Variants in TNN observed in about 807,000 individuals in gnomAD.
TNN encodes the protein tenascin N.
TNN carries 122 observed loss-of-function variants against 134.4 expected under a neutral mutation model. The ratio of observed to expected loss-of-function variants is 0.91; its 90% CI spans 0.78 to 1.06. TNN has a LOEUF of 1.06. Among genes scored for constraint, TNN ranks in the 50% least tolerant of loss-of-function variants. The probability of loss-of-function intolerance (pLI) is 0.00; values close to 1 mark genes in which losing one functional copy is unlikely to be tolerated. For missense variants in TNN, 1,739 were observed against 1,699.4 expected, an observed-to-expected ratio of 1.02 and a Z score of -0.41; for synonymous variants, 710 against 670.3, an observed-to-expected ratio of 1.06 and a Z score of -0.91.
intron 11 of TNN, 70 bp from the exon 12 acceptor site, chr1:175,123,329 GT>G: frequency 6.6e-7 from 1 of 1,523,746 alleles, no homozygotes; most frequent in Non-Finnish European, 9.0e-7. Context: ...AGAGCTCCTG[GT>G]GATGAGGTGG....
chr1:175,090,966 T>C (rs1674431227), intron 6 of TNN, among the ~76,000 whole-genome samples: 1 of 152,204 alleles, frequency 6.6e-6, no homozygotes, highest in South Asian at 2.1e-4. Context: ...TGTCTTGTAG[T>C]AGAGGCTACA....
chr1:175,142,908 G>T (rs1675973183), intron 17 of TNN, among the ~76,000 whole-genome samples: 1 of 152,204 alleles, frequency 6.6e-6, no homozygotes, highest in South Asian at 2.1e-4. Flanking sequence ...GAGCCACCGT[G>T]CCTGGCCCAT....
intron 9 of TNN, among the ~76,000 whole-genome samples, chr1:175,111,112 G>T (rs1347553363): frequency 2.0e-5 from 3 of 152,144 alleles, no homozygotes; most frequent in Non-Finnish European, 2.9e-5. Flanking sequence ...GAGGACAGAA[G>T]TTCGAGACCA....
chr1:175,074,880 T>C (rs1023949062), intron 1 of TNN, among the ~76,000 whole-genome samples: 1 of 152,260 alleles, frequency 6.6e-6, no homozygotes, highest in African/African-American at 2.4e-5. Context: ...AGAGCAAGCA[T>C]AGGCTTGCAA....
chr1:175,089,730 A>C lies in TNN; in HGVS notation c.1324+4236A>C, dbSNP rs1316861137. Among the ~76,000 whole-genome samples the C allele has an allele frequency of 2.0e-5, 3 of 152,218 alleles. No homozygotes were observed. The East Asian group carries it at 5.8e-4, about 29-fold the overall frequency. On this transcript the variant is annotated intron_variant, in intron 6 of 18. Transcript: ENST00000239462. ...ATGCTTGCTTTGTTATAATTTCACA[A>C]GCTCCCATGCACAGCAAAGGTTATA... is the stretch of plus-strand genomic sequence containing the variant.
rs556728509 is a variant in TNN, at chr1:175,113,921, T to C, written c.2120-3018T>C. 6.0e-4 allele frequency among the ~76,000 whole-genome samples: 91 copies of C among 152,326 alleles called. 2 individuals carry two copies. In the South Asian group the frequency reaches 0.019, roughly 31 times the overall value. On this transcript the variant is annotated intron_variant, in intron 9 of 18. Coordinates refer to ENST00000239462, the MANE Select transcript of TNN (RefSeq NM_022093.2). ...GTGTTTCTTTTTTGTGATATCTATC[T>C]CTTCACTGAATTTCTCATTCATATC...
chr1:175,111,455 C>G (rs1188591162), intron 9 of TNN, among the ~76,000 whole-genome samples: 2 of 129,746 alleles, frequency 1.5e-5, no homozygotes, highest in African/African-American at 5.8e-5. Flanking sequence ...CCACTGCACT[C>G]CAGCCTGGGA....
chr1:175,135,703 A>G, intron 15 of TNN, 142 bp from the exon 16 acceptor site: 1 of 652,250 alleles, frequency 1.5e-6, no homozygotes, highest in Non-Finnish European at 2.8e-6. Flanking sequence ...ATCTACTGAC[A>G]TATAAATAAA....
chr1:175,141,135 C>A (rs1675936384), intron 17 of TNN, among the ~76,000 whole-genome samples: 1 of 152,188 alleles, frequency 6.6e-6, no homozygotes, highest in Admixed American at 6.5e-5. Flanking sequence ...TCCATTTTCC[C>A]TTCATGAAGC....
rs530478855 is a variant in TNN at position 175,097,270 on chromosome 1, C to T, written c.1589-147C>T. Reference sequence around the variant, plus strand: ...TATTACTGGAATTTCAGACCATTTGCTTAATTAGACCTTTACATTAACTCA... The same window carrying T: ...TATTACTGGAATTTCAGACCATTTGTTTAATTAGACCTTTACATTAACTCA... On this transcript the variant is annotated intron_variant, in intron 7 of 18. Coordinates refer to ENST00000239462, the MANE Select transcript of TNN (RefSeq NM_022093.2). 22 of 1,026,990 alleles carry T rather than the reference C, an allele frequency of 2.1e-5. No homozygotes were observed. In the East Asian group the frequency reaches 4.4e-4, roughly 20 times the overall value. 63.6% of individuals were successfully genotyped at this position (1,026,990 alleles called of 1,614,324 possible).
In TNN at chr1:175,116,966, C is replaced by T. The variant is rs780904507; in HGVS notation, c.2147C>T (p.Thr716Ile). The T allele has an allele frequency of 8.7e-6, 14 of 1,614,174 alleles. No homozygotes were observed. Among genetic ancestry groups the T allele is most frequent in the Non-Finnish European group, 9.3e-6 (11 of 1,180,034 alleles). Reference protein sequence around the residue: ...TDIDSPQNLVTDRVTENMATV... With the variant: ...TDIDSPQNLVIDRVTENMATV... ...ATTGACAGCCCCCAAAACCTGGTGA[C>T]CGACCGGGTGACAGAGAATATGGCC... The change falls in exon 10 of 19, where the codon ACC (threonine) becomes ATC (isoleucine). Residue 716 changes from threonine (T) to isoleucine (I), a missense_variant. Thr to Ile is a moderately conservative substitution (Grantham distance 89). Transcript: ENST00000239462.
intron 17 of TNN, among the ~76,000 whole-genome samples, chr1:175,143,404 A>G (rs995837236): frequency 6.6e-6 from 1 of 152,224 alleles, no homozygotes; most frequent in Non-Finnish European, 1.5e-5. Context: ...ATAGGGAAAC[A>G]GGAGATACAT....
chr1:175,102,897 T>A (rs1674762937), intron 9 of TNN, among the ~76,000 whole-genome samples: 1 of 146,062 alleles, frequency 6.8e-6, no homozygotes, highest in Non-Finnish European at 1.5e-5. Flanking sequence ...CCCCAACTGC[T>A]GTTGGCAATT....
intron 9 of TNN, among the ~76,000 whole-genome samples, chr1:175,111,469 A>T (rs958870863): frequency 2.6e-4 from 38 of 144,878 alleles, no homozygotes; most frequent in Non-Finnish European, 5.0e-4. Context: ...CCTGGGAAAC[A>T]GAGCGAGACT....
chr1:175,125,587 CTCTTTCTTTCTCTT>C (rs749377152), intron 12 of TNN, among the ~76,000 whole-genome samples: 36 of 150,720 alleles, frequency 2.4e-4, no homozygotes, highest in Non-Finnish European at 4.0e-4. Context: ...CTCTCTCTCC[CTCTTTCTTTCTCTT>C]TCTTTCTTTC....
intron 10 of TNN, among the ~76,000 whole-genome samples, chr1:175,117,829 T>G (rs7546260): frequency 0.23 from 35,318 of 152,098 alleles, 4,415 homozygotes; most frequent in African/African-American, 0.31. Flanking sequence ...TTCCTCTTGT[T>G]GAATAGCAGA....
intron 1 of TNN, among the ~76,000 whole-genome samples, chr1:175,070,117 T>C (rs1213211598): frequency 1.3e-5 from 2 of 152,172 alleles, no homozygotes; most frequent in African/African-American, 4.8e-5. Context: ...ATGAGCTTGG[T>C]CCCACAAAAG....
intron 11 of TNN, 64 bp downstream of exon 11, chr1:175,118,888 G>A (rs774524506): frequency 6.9e-6 from 11 of 1,590,064 alleles, no homozygotes; most frequent in Non-Finnish European, 8.6e-6. Context: ...TTGCAGCTGA[G>A]TGATGATGCA....
chr1:175,088,826 A>C (rs570174191), intron 6 of TNN, among the ~76,000 whole-genome samples: 1 of 152,312 alleles, frequency 6.6e-6, no homozygotes, highest in South Asian at 2.1e-4. Flanking sequence ...CCTTCAGGGG[A>C]TCACAGCAAT....
Sources: gnomAD v4.1 joint callset for allele counts (sites outside exome capture counted in the v4.1 genomes callset) on GRCh38, gnomAD v4.1.1 for gene constraint, MANE v1.5 for transcripts, NCBI Gene and HGNC (gene_info 2026-07-23, HGNC 2026-07-21) for gene names.